ZC3H11A: variants seen among roughly 807,000 people sequenced by gnomAD.
The protein encoded by ZC3H11A is zinc finger CCCH-type containing 11A, also known as zinc finger CCCH domain-containing protein 11A.
In ZC3H11A, 22 loss-of-function variants were observed where a neutral mutation model predicts 90.8. That is an observed-to-expected ratio of 0.24 (90% CI 0.17 to 0.35). The LOEUF (loss-of-function observed/expected upper bound fraction) is 0.35. Ranked by LOEUF, ZC3H11A falls within the 10% of genes least tolerant of loss-of-function variation. The pLI is 1.00. For missense variants in ZC3H11A, 701 were observed against 964.9 expected (o/e 0.73, Z 3.62); for synonymous variants, 294 against 339.8 (o/e 0.87, Z 1.48).
chr1:203,841,578 C>T (rs2103264298), intron 12 of ZC3H11A, among the ~76,000 whole-genome samples: 1 of 152,350 alleles, frequency 6.6e-6, no homozygotes. Flanking sequence ...CAGTAACAAT[C>T]TGATCTCTCT....
chr1:203,819,560 G>A (rs1355492562), intron 4 of ZC3H11A, among the ~76,000 whole-genome samples: 1 of 77,008 alleles, frequency 1.3e-5, no homozygotes, highest in Non-Finnish European at 2.6e-5. Flanking sequence ...TTGAGACAGA[G>A]TTTTGCTCTT....
At chr1:203,842,026 C>A (rs1176616263) in intron 12 of ZC3H11A, among the ~76,000 whole-genome samples, 3 of 151,506 alleles carry the variant, frequency 2.0e-5, no homozygotes, top group South Asian at 4.2e-4. Flanking sequence ...AGGCGCTCCC[C>A]ACATCTCAGA....
At chr1:203,844,793 T>A (rs1687438484) in intron 12 of ZC3H11A, among the ~76,000 whole-genome samples, 1 of 152,070 alleles carries the variant, frequency 6.6e-6, no homozygotes, top group Non-Finnish European at 1.5e-5. Flanking sequence ...GGAAACAACT[T>A]CTTTCCTTTT....
intron 11 of ZC3H11A, among the ~76,000 whole-genome samples, 160 bp from the exon 12 acceptor site, chr1:203,840,146 C>T (rs1336771658): frequency 6.6e-6 from 1 of 150,912 alleles, no homozygotes; most frequent in East Asian, 2.0e-4. Context: ...ACCATGTTGG[C>T]CAGGCTGGCC....
chr1:203,835,104 A>G (rs552513583), intron 10 of ZC3H11A, among the ~76,000 whole-genome samples: 6 of 152,336 alleles, frequency 3.9e-5, no homozygotes, highest in East Asian at 1.9e-4. Context: ...TCACATTTCA[A>G]AGTTTCAGAC....
intron 17 of ZC3H11A, among the ~76,000 whole-genome samples, chr1:203,851,797 TAATAAAAATCAAAGA>T (rs1257367863): frequency 5.8e-4 from 86 of 149,102 alleles, no homozygotes; most frequent in African/African-American, 1.9e-3. Flanking sequence ...GTCTTGTCTC[TAATAAAAATCAAAGA>T]AATAAAAAAA....
chr1:203,828,262 G>A, intron 4 of ZC3H11A, 37 bp from the exon 5 acceptor site: 7 of 1,612,776 alleles, frequency 4.3e-6, no homozygotes, highest in South Asian at 1.1e-5. Context: ...ACGTATCACT[G>A]TTTTATTTGA....
intron 4 of ZC3H11A, among the ~76,000 whole-genome samples, chr1:203,827,471 G>A (rs1680910858): frequency 6.6e-6 from 1 of 151,650 alleles, no homozygotes; most frequent in East Asian, 1.9e-4. Flanking sequence ...ACGAGGTCAG[G>A]AGATCAAGAC....
chr1:203,805,768 GT>G (rs1204451102), intron 2 of ZC3H11A: 43 of 686,034 alleles, frequency 6.3e-5, no homozygotes, highest in Non-Finnish European at 5.5e-6. Context: ...ATCACCCAGT[GT>G]ATCCAACTCT....
At chr1:203,806,830 C>CTTTTTTTTTTTTTTTT (rs373591619) in intron 2 of ZC3H11A, among the ~76,000 whole-genome samples, 1 of 117,860 alleles carries the variant, frequency 8.5e-6, no homozygotes, top group Non-Finnish European at 1.7e-5. Context: ...CCTCAGGTTC[C>CTTTTTTTTTTTTTTTT]TTTTTTTTTT....
intron 1 of ZC3H11A, chr1:203,797,934 T>G (rs1394115239): frequency 6.5e-7 from 1 of 1,536,108 alleles, no homozygotes; most frequent in Non-Finnish European, 8.7e-7. Flanking sequence ...TGTGTGGCAC[T>G]TCTTTCATGT....
At chr1:203,808,823 C>T (rs1349921861) in intron 2 of ZC3H11A, among the ~76,000 whole-genome samples, 1 of 151,826 alleles carries the variant, frequency 6.6e-6, no homozygotes, top group Non-Finnish European at 1.5e-5. Context: ...TCATTATTAT[C>T]ATTATTTTAT....
At chr1:203,815,579 T>G (rs1250669150) in intron 2 of ZC3H11A, among the ~76,000 whole-genome samples, 4 of 151,968 alleles carry the variant, frequency 2.6e-5, no homozygotes, top group Non-Finnish European at 4.4e-5. Flanking sequence ...CTTTAATACT[T>G]TTACATATTA....
At chr1:203,836,177 G>A (rs750887809) in intron 10 of ZC3H11A, among the ~76,000 whole-genome samples, 17 of 152,278 alleles carry the variant, frequency 1.1e-4, no homozygotes, top group Non-Finnish European at 2.2e-4. Context: ...GAGTCCAGGA[G>A]TTTGAGTCCA....
At chr1:203,839,532 C>T (rs1685434621) in intron 11 of ZC3H11A, among the ~76,000 whole-genome samples, 1 of 152,112 alleles carries the variant, frequency 6.6e-6, no homozygotes, top group Non-Finnish European at 1.5e-5. Flanking sequence ...TCCCCTTGCC[C>T]AAGGGACTTT....
intron 12 of ZC3H11A, among the ~76,000 whole-genome samples, chr1:203,841,838 G>A (rs567097386): frequency 7.3e-5 from 10 of 136,896 alleles, no homozygotes; most frequent in Admixed American, 1.4e-4. Context: ...TCCTCACTTC[G>A]CAGACGGGGC....
At position 203,849,921 on chromosome 1, in the gene ZC3H11A, C is replaced by T. The variant is rs759372174; in HGVS notation, c.1834C>T (p.Leu612Phe). ...PGITRHLTKR[L>F]PTKSSQKVEV... Reference sequence around the variant, plus strand: ...AATCACACGGCACCTGACCAAGCGGCTTCCCACAAAGTCATCCCAGAAGGT... The same window carrying T: ...AATCACACGGCACCTGACCAAGCGGTTTCCCACAAAGTCATCCCAGAAGGT... The change falls in exon 15 of 18, where the codon CTT becomes TTT. Residue 612 changes from leucine to phenylalanine, a missense_variant. This residue lies in a region of ZC3H11A where 530 missense variants were observed against 696.2 expected (regional missense o/e 0.76). Transcript: ENST00000367210. 1.9e-6 allele frequency: 3 copies of T among 1,614,132 alleles called. No individual in the cohort carries two copies. The highest frequency in any genetic ancestry group is 3.3e-5 in the Admixed American group (2 of 60,012).
intron 10 of ZC3H11A, among the ~76,000 whole-genome samples, chr1:203,834,419 A>G (rs746044550): frequency 6.0e-5 from 9 of 150,180 alleles, no homozygotes; most frequent in Admixed American, 2.7e-4. Flanking sequence ...CCATAGGCCT[A>G]CACCACCATA....
chr1:203,828,554 G>C, intron 5 of ZC3H11A, 132 bp downstream of exon 5: 1 of 1,143,086 alleles, frequency 8.7e-7, no homozygotes, highest in South Asian at 1.6e-5. Context: ...TTACAGATAA[G>C]TGAACTGAAT....
Sources: allele counts gnomAD v4.1 joint callset (sites outside exome capture counted in the v4.1 genomes callset), GRCh38; gene constraint gnomAD v4.1.1; regional missense constraint gnomAD v4.1.1; transcripts MANE v1.5; gene names NCBI Gene and HGNC (gene_info 2026-07-23, HGNC 2026-07-21).